MBNL1: variants seen among roughly 807,000 people sequenced by gnomAD.
MBNL1 encodes muscleblind like splicing regulator 1, also known as muscleblind-like protein 1.
MBNL1 carries 8 observed loss-of-function variants against 42.2 expected under a neutral mutation model. That is an observed-to-expected ratio of 0.19 (90% CI 0.11 to 0.34). The LOEUF is 0.34. MBNL1 is among the 10% of genes least tolerant of loss of function. The pLI, the probability that MBNL1 is intolerant of heterozygous loss-of-function variation, is 1.00. For missense variants in MBNL1, 309 were observed against 495.3 expected, an observed-to-expected ratio of 0.62 and a Z score of 3.57; for synonymous variants, 169 against 173.9, an observed-to-expected ratio of 0.97 and a Z score of 0.22.
At position 152,268,970 on chromosome 3, in the gene MBNL1, G is replaced by T. The variant is rs1465409608; in HGVS notation, c.-912G>T. On this transcript the variant is annotated 5_prime_UTR_variant, in exon 1 of 10. An upstream start codon of the reference 5' UTR is lost. Coordinates refer to ENST00000324210, the MANE Select transcript of MBNL1 (RefSeq NM_021038.5). ...CTGAATGAGTTGTGGCGCCCACAAT[G>T]CTCCCATGACAAGGAGCTGACAAGT... The T allele has an allele frequency of 2.2e-6, 1 of 456,272 alleles. No homozygotes were observed. Among genetic ancestry groups the T allele is most frequent in the South Asian group, 1.5e-5 (1 of 64,572 alleles). 28.3% of individuals were successfully genotyped at this position (456,272 alleles called of 1,614,324 possible).
intron 5 of MBNL1, 30 bp from the exon 6 acceptor site, chr3:152,447,590 A>G: frequency 1.9e-6 from 3 of 1,577,256 alleles, no homozygotes; most frequent in Non-Finnish European, 2.6e-6. Flanking sequence ...TTTTACTGGT[A>G]TTTGTTTTTT....
At chr3:152,319,165 T>G (rs2074485592) in intron 2 of MBNL1, among the ~76,000 whole-genome samples, 1 of 152,180 alleles carries the variant, frequency 6.6e-6, no homozygotes, top group Admixed American at 6.5e-5. Context: ...GGAAAACCTT[T>G]TTTTGGGGGG....
intron 2 of MBNL1, among the ~76,000 whole-genome samples, chr3:152,252,065 A>C (rs1375103172): frequency 1.3e-5 from 2 of 151,818 alleles, no homozygotes; most frequent in African/African-American, 2.4e-5. Context: ...TCCATGACTC[A>C]ACTATTTTGG....
chr3:152,311,298 C>T (rs1019110068), intron 2 of MBNL1, among the ~76,000 whole-genome samples: 5 of 152,098 alleles, frequency 3.3e-5, no homozygotes, highest in Non-Finnish European at 7.4e-5. Flanking sequence ...TGAGCCACTG[C>T]GCCCAGCTCA....
At position 152,249,940 on chromosome 3, in the gene MBNL1, G is replaced by A. The variant is rs1224835647; in HGVS notation, n.333+5500G>A. Among the ~76,000 whole-genome samples, 7 of 144,848 alleles carry A rather than the reference G, an allele frequency of 4.8e-5. No individual in the cohort carries two copies. In the East Asian group the frequency reaches 1.0e-3, roughly 21 times the overall value. ...GATCAGATAGTTGTAGATATGTGGC[G>A]TTATTTCTGAGGGCTCTGTTCTGTT... is the stretch of plus-strand genomic sequence containing the variant. On this transcript the variant is annotated intron_variant and non_coding_transcript_variant, in intron 2 of 2. Coordinates refer to the MBNL1 transcript ENST00000477171.
chr3:152,262,039 C>T (rs1040326515), intron 2 of MBNL1, among the ~76,000 whole-genome samples: 14 of 152,108 alleles, frequency 9.2e-5, no homozygotes, highest in African/African-American at 3.4e-4. Context: ...ATTTTTCCCT[C>T]ACGTCTGTCC....
rs71144111 is a variant in MBNL1, at chr3:152,311,001, C to CTTTTTT, written c.174+10654_174+10659dup. On this transcript the variant is annotated intron_variant, in intron 2 of 9. Transcript: ENST00000324210. Reference sequence around the variant, plus strand: ...TTTTCTAATGCACAGAACCATGAGACTTTTTTTTTTTTTTTTTTTTTTTTT... The same window carrying CTTTTTT: ...TTTTCTAATGCACAGAACCATGAGACTTTTTTTTTTTTTTTTTTTTTTTTTTTTTTT... Among the ~76,000 whole-genome samples the CTTTTTT allele has an allele frequency of 3.2e-4, 25 of 77,534 alleles. 1 individual carries two copies. The highest frequency in any genetic ancestry group is 6.5e-4 in the African/African-American group (12 of 18,510). The allele number at this position is 77,534 out of a possible 152,430, so 50.9% of individuals were successfully genotyped here.
chr3:152,336,892 C>T (rs969649782), intron 2 of MBNL1, among the ~76,000 whole-genome samples: 9 of 152,074 alleles, frequency 5.9e-5, no homozygotes, highest in Admixed American at 1.3e-4. Context: ...ATTAGATATC[C>T]GAAGTCAAGA....
At chr3:152,353,934 A>G (rs534085947) in intron 2 of MBNL1, among the ~76,000 whole-genome samples, 1 of 152,290 alleles carries the variant, frequency 6.6e-6, no homozygotes, top group South Asian at 2.1e-4. Context: ...CTTTGAAAGA[A>G]AATTAGGACC....
chr3:152,283,562 A>G (rs2049808648), intron 1 of MBNL1, among the ~76,000 whole-genome samples: 1 of 152,208 alleles, frequency 6.6e-6, no homozygotes, highest in South Asian at 2.1e-4. Flanking sequence ...ACACTGTCTT[A>G]TTCTTAGCCC....
intron 3 of MBNL1, among the ~76,000 whole-genome samples, chr3:152,419,129 A>G (rs1014909737): frequency 6.6e-6 from 1 of 152,228 alleles, no homozygotes; most frequent in Non-Finnish European, 1.5e-5. Flanking sequence ...ATTATCAATT[A>G]TAGAATAATT....
At chr3:152,380,449 A>C (rs2097133694) in intron 2 of MBNL1, among the ~76,000 whole-genome samples, 1 of 152,130 alleles carries the variant, frequency 6.6e-6, no homozygotes, top group South Asian at 2.1e-4. Flanking sequence ...GGGAATCGAC[A>C]GGGAAACAGC....
intron 2 of MBNL1, chr3:152,340,395 T>C: frequency 3.7e-6 from 4 of 1,067,634 alleles, no homozygotes; most frequent in East Asian, 2.4e-5. Flanking sequence ...CTCTGTAAGA[T>C]TGTAATGACA....
intron 6 of MBNL1, among the ~76,000 whole-genome samples, chr3:152,451,812 A>C (rs1723649261): frequency 6.6e-6 from 1 of 152,094 alleles, no homozygotes; most frequent in African/African-American, 2.4e-5. Flanking sequence ...CTTTGCCTAC[A>C]TTATCTCATT....
chr3:152,338,504 G>A (rs907508070), intron 2 of MBNL1: 1 of 985,258 alleles, frequency 1.0e-6, no homozygotes, highest in African/African-American at 1.7e-5. Context: ...GTGGCTCAGT[G>A]ATCCTGCTGT....
At chr3:152,351,338 C>G (rs1578460746) in intron 2 of MBNL1, among the ~76,000 whole-genome samples, 1 of 152,170 alleles carries the variant, frequency 6.6e-6, no homozygotes, top group East Asian at 1.9e-4. Flanking sequence ...ACCATAAGCA[C>G]AAATCCCTTG....
chr3:152,393,235 T>A (rs1474169545), intron 2 of MBNL1, among the ~76,000 whole-genome samples: 14 of 152,210 alleles, frequency 9.2e-5, no homozygotes, highest in Non-Finnish European at 1.6e-4. Flanking sequence ...GTATTCCCAA[T>A]AGACTGGGAG....
intron 6 of MBNL1, among the ~76,000 whole-genome samples, chr3:152,452,937 T>C (rs887416916): frequency 6.6e-6 from 1 of 150,734 alleles, no homozygotes; most frequent in Non-Finnish European, 1.5e-5. Flanking sequence ...GGTGTAGGTC[T>C]AAGGGCAGGG....
At chr3:152,402,876 TGATATA>T (rs1191321366) in intron 2 of MBNL1, among the ~76,000 whole-genome samples, 1 of 152,156 alleles carries the variant, frequency 6.6e-6, no homozygotes, top group Non-Finnish European at 1.5e-5. Flanking sequence ...TTTCTTGGCC[TGATATA>T]GACTGTGGGC....
Sources: allele counts gnomAD v4.1 joint callset (sites outside exome capture counted in the v4.1 genomes callset), GRCh38; gene constraint gnomAD v4.1.1; transcripts MANE v1.5; gene names NCBI Gene and HGNC (gene_info 2026-07-23, HGNC 2026-07-21).